The following APBB1IP variants were observed in gnomAD, a reference collection of about 807,000 sequenced individuals.
The protein encoded by APBB1IP is amyloid beta A4 precursor protein-binding family B member 1-interacting protein.
APBB1IP carries 27 observed loss-of-function variants against 64.9 expected under a neutral mutation model. The ratio of observed to expected loss-of-function variants is 0.42; its 90% CI spans 0.31 to 0.57. The LOEUF (loss-of-function observed/expected upper bound fraction) is 0.57, where lower values mean the gene tolerates loss of function less well. APBB1IP is among the 20% of genes least tolerant of loss of function. The pLI is 0.20. For synonymous variants in APBB1IP, 392 were observed against 331.0 expected, an observed-to-expected ratio of 1.18 and a Z score of -2.00; for missense variants, 812 against 845.5, an observed-to-expected ratio of 0.96 and a Z score of 0.49.
chr10:26,488,416 TG>T (rs942941929), intron 2 of APBB1IP, among the ~76,000 whole-genome samples: 2 of 152,110 alleles, frequency 1.3e-5, no homozygotes, highest in African/African-American at 2.4e-5. Context: ...TTTAATTTTT[TG>T]TACAGAAGTT....
intron 11 of APBB1IP, among the ~76,000 whole-genome samples, chr10:26,544,028 CAGAG>C (rs1836730276): frequency 1.3e-5 from 2 of 152,152 alleles, no homozygotes; most frequent in South Asian, 2.1e-4. Flanking sequence ...GGTATGTGTG[CAGAG>C]AGACTCCCCA....
intron 8 of APBB1IP, 105 bp downstream of exon 8, chr10:26,513,765 C>A: frequency 7.2e-7 from 1 of 1,388,502 alleles, no homozygotes; most frequent in Non-Finnish European, 9.7e-7. Flanking sequence ...AGGCTGGAGA[C>A]GGAGTCTCGA....
chr10:26,448,745 C>G (rs1835428817), intron 2 of APBB1IP, among the ~76,000 whole-genome samples: 1 of 152,110 alleles, frequency 6.6e-6, no homozygotes, highest in Admixed American at 6.6e-5. Context: ...CCTTTTTATC[C>G]TCTTTCTCCC....
chr10:26,484,073 G>A (rs76548009), intron 2 of APBB1IP, among the ~76,000 whole-genome samples: 2,333 of 152,170 alleles, frequency 0.015, 56 homozygotes, highest in African/African-American at 0.053. Flanking sequence ...TAGACAACCC[G>A]TGAGTTTGTA....
At chr10:26,545,745 G>C (rs1017528747) in intron 11 of APBB1IP, among the ~76,000 whole-genome samples, 1 of 148,626 alleles carries the variant, frequency 6.7e-6, no homozygotes, top group African/African-American at 2.5e-5. Context: ...GGGCGACAGA[G>C]CGAGACTCCG....
At chr10:26,534,559 A>G (rs1312849854) in intron 9 of APBB1IP, among the ~76,000 whole-genome samples, 1 of 152,162 alleles carries the variant, frequency 6.6e-6, no homozygotes, top group African/African-American at 2.4e-5. Context: ...GGAGCCAATT[A>G]GCTCATGCTG....
In APBB1IP at chr10:26,503,242, C is replaced by T. The variant is rs1434440537; in HGVS notation, c.499C>T (p.Leu167=). ...QAKADKIKLA[L]EKLKEAKVKK... Reference sequence around the variant, plus strand: ...CAAGGCTGATAAAATTAAGCTGGCGCTGGAAAAACTGAAGGAGGCCAAGGT... The same window carrying T: ...CAAGGCTGATAAAATTAAGCTGGCGTTGGAAAAACTGAAGGAGGCCAAGGT... The change falls in exon 6 of 15, where the codon CTG becomes TTG. Residue 167 remains leucine, a synonymous_variant. Coordinates refer to ENST00000376236, the MANE Select transcript of APBB1IP (RefSeq NM_019043.4). The T allele has an allele frequency of 6.2e-7, 1 of 1,613,944 alleles. No homozygotes were observed. Among genetic ancestry groups the T allele is most frequent in the East Asian group, 2.2e-5 (1 of 44,892 alleles).
intron 11 of APBB1IP, among the ~76,000 whole-genome samples, chr10:26,544,306 G>A (rs1412945806): frequency 6.6e-6 from 1 of 152,220 alleles, no homozygotes; most frequent in Non-Finnish European, 1.5e-5. Flanking sequence ...AGGTTTTGGA[G>A]AAATTTTCTG....
At chr10:26,532,395 A>G (rs1249653660) in intron 8 of APBB1IP, among the ~76,000 whole-genome samples, 1 of 152,194 alleles carries the variant, frequency 6.6e-6, no homozygotes, top group Non-Finnish European at 1.5e-5. Flanking sequence ...GATACTCAGT[A>G]TTAACAAAGT....
At chr10:26,445,125 AAGAAAAG>A (rs1373869112) in intron 2 of APBB1IP, among the ~76,000 whole-genome samples, 9 of 77,808 alleles carry the variant, frequency 1.2e-4, no homozygotes, top group East Asian at 8.0e-4. Flanking sequence ...GAAAGAAAGA[AAGAAAAG>A]AAAGAAAGAA....
intron 2 of APBB1IP, among the ~76,000 whole-genome samples, chr10:26,444,770 G>C (rs183208243): frequency 1.3e-5 from 2 of 152,130 alleles, no homozygotes; most frequent in Non-Finnish European, 2.9e-5. Context: ...ACAGGTAAGG[G>C]AGTTTAGGAA....
intron 7 of APBB1IP, among the ~76,000 whole-genome samples, chr10:26,512,920 G>T (rs997262662): frequency 6.6e-6 from 1 of 152,136 alleles, no homozygotes; most frequent in African/African-American, 2.4e-5. Context: ...TGTGAGTCAA[G>T]GGAAGAAATG....
chr10:26,462,128 T>C (rs572285016), intron 2 of APBB1IP, among the ~76,000 whole-genome samples: 10 of 152,358 alleles, frequency 6.6e-5, no homozygotes, highest in South Asian at 4.1e-4. Flanking sequence ...AGCAGACTTG[T>C]GTGGTTCTGA....
At chr10:26,464,551 A>G (rs1835627653) in intron 2 of APBB1IP, among the ~76,000 whole-genome samples, 1 of 152,062 alleles carries the variant, frequency 6.6e-6, no homozygotes, top group Admixed American at 6.6e-5. Flanking sequence ...CAGGAACACG[A>G]TACCATGCCC....
intron 14 of APBB1IP, among the ~76,000 whole-genome samples, chr10:26,562,982 G>A (rs1458323431): frequency 1.3e-5 from 2 of 152,122 alleles, no homozygotes; most frequent in Non-Finnish European, 2.9e-5. Context: ...TTTAAACTCT[G>A]GAGTTAATTA....
intron 10 of APBB1IP, among the ~76,000 whole-genome samples, chr10:26,539,627 A>G (rs886334117): frequency 1.3e-5 from 2 of 152,208 alleles, no homozygotes; most frequent in African/African-American, 4.8e-5. Flanking sequence ...TTGACCTGAT[A>G]AAGTTATTTT....
intron 6 of APBB1IP, among the ~76,000 whole-genome samples, chr10:26,511,500 T>C (rs1455760648): frequency 6.6e-6 from 1 of 152,218 alleles, no homozygotes; most frequent in Non-Finnish European, 1.5e-5. Flanking sequence ...CCAGACTGCC[T>C]GTCTCTGAAG....
At chr10:26,479,655 A>G (rs1368594385) in intron 2 of APBB1IP, among the ~76,000 whole-genome samples, 1 of 152,250 alleles carries the variant, frequency 6.6e-6, no homozygotes. Context: ...CAACATTGTA[A>G]TCTTTATGAT....
intron 5 of APBB1IP, chr10:26,501,778 G>A (rs1588589845): frequency 6.6e-6 from 1 of 152,324 alleles, no homozygotes; most frequent in Non-Finnish European, 1.5e-5. Flanking sequence ...TATTTTAGAG[G>A]AGAGTCCAGT....
Sources: gnomAD v4.1 joint callset for allele counts (sites outside exome capture counted in the v4.1 genomes callset) on GRCh38, gnomAD v4.1.1 for gene constraint, MANE v1.5 for transcripts, NCBI Gene and HGNC (gene_info 2026-07-23, HGNC 2026-07-21) for gene names.